The following SOX5 variants were observed in gnomAD, a reference collection of about 807,000 sequenced individuals.
SOX5 encodes SRY-box transcription factor 5.
A neutral mutation model predicts 92.0 loss-of-function variants in SOX5; 9 were observed. That is an observed-to-expected ratio of 0.10 (90% confidence interval 0.06 to 0.17). The LOEUF is 0.17. SOX5 is among the 10% of genes least tolerant of loss of function. The pLI, the probability that SOX5 is intolerant of heterozygous loss-of-function variation, is 1.00. For missense variants in SOX5, 642 were observed against 944.5 expected, an observed-to-expected ratio of 0.68 and a Z score of 4.20; for synonymous variants, 344 against 336.3, an observed-to-expected ratio of 1.02 and a Z score of -0.25.
intron 3 of SOX5, among the ~76,000 whole-genome samples, chr12:23,796,689 G>C (rs1285176663): frequency 1.3e-5 from 2 of 151,144 alleles, no homozygotes; most frequent in Non-Finnish European, 3.0e-5. Flanking sequence ...AAAATTATAG[G>C]GTTTTACAAT....
At chr12:23,913,258 G>A (rs1033959658) in intron 1 of SOX5, among the ~76,000 whole-genome samples, 1 of 152,016 alleles carries the variant, frequency 6.6e-6, no homozygotes, top group Non-Finnish European at 1.5e-5. Flanking sequence ...AATCAAAAAT[G>A]TATTTCTCAT....
intron 9 of SOX5, among the ~76,000 whole-genome samples, chr12:23,598,387 C>CTTTGTTTTTTTTTTTT: frequency 1.1e-5 from 1 of 95,128 alleles, no homozygotes; most frequent in South Asian, 3.7e-4. Flanking sequence ...TGTGCTTTAT[C>CTTTGTTTTTTTTTTTT]TTTTTTTTTT....
chr12:23,979,942 T>TAGACAGACAGACAGACAGACAGACAGAC lies in SOX5; in HGVS notation c.-1-83919_-1-83918insGTCTGTCTGTCTGTCTGTCTGTCTGTCT, dbSNP rs1419855577. On this transcript the variant is annotated intron_variant, in intron 4 of 4. Transcript: ENST00000446891. ...ACAGACAGACAGACAGACAGATAGA[T>TAGACAGACAGACAGACAGACAGACAGAC]AGATAGATAGACAGACAGACAGATA... 2.8e-4 allele frequency among the ~76,000 whole-genome samples: 25 copies of TAGACAGACAGACAGACAGACAGACAGAC among 89,426 alleles called. No individual in the cohort carries two copies. In the East Asian group the frequency reaches 6.9e-3, roughly 25 times the overall value. The allele number at this position is 89,426 out of a possible 152,430, so 58.7% of individuals were successfully genotyped here.
At chr12:23,689,061 G>T (rs1446726692) in intron 6 of SOX5, among the ~76,000 whole-genome samples, 1 of 152,024 alleles carries the variant, frequency 6.6e-6, no homozygotes, top group Non-Finnish European at 1.5e-5. Flanking sequence ...TTACCTTCCA[G>T]GTATACTGAA....
rs896381845 is a variant in SOX5, at chr12:23,797,897, G to A, written c.482-42173C>T. Among the ~76,000 whole-genome samples, 27 of 151,748 alleles carry A rather than the reference G, an allele frequency of 1.8e-4. 1 individual carries two copies. The highest frequency in any genetic ancestry group is 7.4e-5 in the Non-Finnish European group (5 of 67,878). ...TCATTCTAGCTATACTGGCCTCCTT[G>A]CTGTGCTTCAAAACTGTCAGGTCCT... On this transcript the variant is annotated intron_variant, in intron 3 of 14. Transcript: ENST00000451604.
At chr12:23,690,493 C>A (rs2140019130) in intron 6 of SOX5, among the ~76,000 whole-genome samples, 1 of 152,212 alleles carries the variant, frequency 6.6e-6, no homozygotes, top group South Asian at 2.1e-4. Context: ...TTGAATAAAT[C>A]CTCTACTCTT....
rs183595688 is a variant in SOX5, at chr12:24,111,061, G to T, written c.-2+102282C>A. Among the ~76,000 whole-genome samples the T allele has an allele frequency of 7.2e-3, 1,092 of 152,078 alleles. 11 individuals are homozygous for T. Among genetic ancestry groups the T allele is most frequent in the African/African-American group, 0.025 (1,032 of 41,432 alleles). ...GTGGGAGACTGTGATATGCATTGTA[G>T]GGGGTATAGCAGCATCTCTGGCCTC... On this transcript the variant is annotated intron_variant, in intron 4 of 4. Coordinates refer to the SOX5 transcript ENST00000446891.
intron 2 of SOX5, among the ~76,000 whole-genome samples, chr12:24,316,497 T>C (rs944935088): frequency 2.0e-5 from 3 of 152,186 alleles, no homozygotes; most frequent in Non-Finnish European, 4.4e-5. Context: ...TTTTCAGTAC[T>C]TTCAACTCAC....
intron 2 of SOX5, among the ~76,000 whole-genome samples, chr12:24,305,133 T>C (rs974689240): frequency 6.6e-6 from 1 of 152,222 alleles, no homozygotes; most frequent in African/African-American, 2.4e-5. Context: ...AATTATGTTA[T>C]TATGACTAAT....
At chr12:24,131,124 C>A (rs1346852702) in intron 4 of SOX5, among the ~76,000 whole-genome samples, 2 of 152,078 alleles carry the variant, frequency 1.3e-5, no homozygotes, top group Non-Finnish European at 2.9e-5. Flanking sequence ...ATTTTTTGCA[C>A]CATCAAAATT....
At chr12:24,366,358 G>A (rs1031895886) in intron 2 of SOX5, among the ~76,000 whole-genome samples, 13 of 152,228 alleles carry the variant, frequency 8.5e-5, no homozygotes, top group African/African-American at 2.9e-4. Flanking sequence ...ATTATTCAGT[G>A]ATCTAATCAG....
intron 3 of SOX5, among the ~76,000 whole-genome samples, chr12:24,251,566 TTTTTTG>T (rs978545398): frequency 1.4e-5 from 2 of 143,952 alleles, no homozygotes; most frequent in African/African-American, 5.1e-5. Flanking sequence ...ATGGTTAGGG[TTTTTTG>T]TTTTTTTTTT....
At chr12:24,552,097 C>G (rs1953246713) in intron 1 of SOX5, among the ~76,000 whole-genome samples, 1 of 152,202 alleles carries the variant, frequency 6.6e-6, no homozygotes, top group Non-Finnish European at 1.5e-5. Context: ...TCCCCAACCC[C>G]TAGATTCCTT....
At chr12:24,512,826 G>A (rs766516041) in intron 1 of SOX5, among the ~76,000 whole-genome samples, 8 of 152,144 alleles carry the variant, frequency 5.3e-5, no homozygotes, top group Non-Finnish European at 1.0e-4. Flanking sequence ...CTGTCAACCA[G>A]GGACTATAAT....
rs556121686 is a variant in SOX5, at chr12:24,192,052, A to G, written c.-2+21291T>C. Among the ~76,000 whole-genome samples, 4 of 152,378 alleles carry G rather than the reference A, an allele frequency of 2.6e-5. No individual in the cohort carries two copies. In the South Asian group the frequency reaches 8.3e-4, roughly 32 times the overall value. ...TATATTCTAGCTTAAAGTTTACTTT[A>G]CAAGGTATAGTATTTGCTACCATTT... On this transcript the variant is annotated intron_variant, in intron 4 of 4. Transcript: ENST00000446891.
chr12:23,832,050 G>C (rs972034541), intron 3 of SOX5, among the ~76,000 whole-genome samples: 5 of 151,460 alleles, frequency 3.3e-5, no homozygotes, highest in African/African-American at 1.2e-4. Flanking sequence ...TGATGGGGCA[G>C]GGGGAATAAA....
rs527322707 is a variant in SOX5, at chr12:24,509,982, A to T, written c.-251+52347T>A. Among the ~76,000 whole-genome samples the T allele has an allele frequency of 2.3e-4, 35 of 152,390 alleles. No homozygotes were observed. In the South Asian group the frequency reaches 5.0e-3, roughly 22 times the overall value. ...AAAATATCAACCACAAAATTTAGTT[A>T]AAAAGATCTGATTTCTCTTCACTTA... On this transcript the variant is annotated intron_variant, in intron 1 of 4. Coordinates refer to the SOX5 transcript ENST00000446891.
At chr12:23,842,612 T>C (rs190265327) in intron 3 of SOX5, among the ~76,000 whole-genome samples, 2 of 152,244 alleles carry the variant, frequency 1.3e-5, no homozygotes, top group East Asian at 1.9e-4. Flanking sequence ...GCAAGAAATA[T>C]ACAAAATGAA....
intron 4 of SOX5, among the ~76,000 whole-genome samples, chr12:23,749,398 C>T (rs1396466192): frequency 6.6e-6 from 1 of 151,808 alleles, no homozygotes; most frequent in Non-Finnish European, 1.5e-5. Flanking sequence ...TTTCTTTTGA[C>T]ATGATAATGT....
Sources: gnomAD v4.1 joint callset for allele counts (sites outside exome capture counted in the v4.1 genomes callset) on GRCh38, gnomAD v4.1.1 for gene constraint, MANE v1.5 for transcripts, NCBI Gene and HGNC (gene_info 2026-07-23, HGNC 2026-07-21) for gene names.